Variants in FOXK2 observed in about 807,000 individuals in gnomAD.
The protein encoded by FOXK2 is forkhead box protein K2.
A neutral mutation model predicts 53.3 loss-of-function variants in FOXK2; 24 were observed. The ratio of observed to expected loss-of-function variants is 0.45; its 90% CI spans 0.33 to 0.63. FOXK2 has a LOEUF of 0.63. FOXK2 is among the 30% of genes least tolerant of loss of function. The pLI is 0.03. For missense variants in FOXK2, 952 were observed against 910.5 expected (o/e 1.05, Z -0.59); for synonymous variants, 505 against 407.1 (o/e 1.24, Z -2.89).
chr17:82,581,036 G>A (rs923267545), intron 4 of FOXK2, among the ~76,000 whole-genome samples: 3 of 152,238 alleles, frequency 2.0e-5, no homozygotes, highest in Non-Finnish European at 4.4e-5. Context: ...TTTGTATGTT[G>A]GATTTCTTAG....
Position 82,520,020 on chromosome 17 carries a change from G to A in FOXK2, c.132G>A (p.Glu44=), listed in dbSNP as rs2044343265. ...CCGTGGCGCGCCTGGAGGGCCGCGA[G>A]TTCGAGTATCTGATGAAGAAGCGCT... ...GWAVARLEGR[E]FEYLMKKRSV... is the part of the protein sequence containing the mutation. Residue 44 remains glutamate (E), a synonymous_variant, in exon 1 of 9, where the codon GAG becomes GAA. Coordinates refer to ENST00000335255, the MANE Select transcript of FOXK2 (RefSeq NM_004514.4). 2 of 1,485,358 alleles carry A rather than the reference G, an allele frequency of 1.3e-6. No individual in the cohort carries two copies. Among genetic ancestry groups the A allele is most frequent in the Non-Finnish European group, 9.0e-7 (1 of 1,115,776 alleles). 92.0% of individuals were successfully genotyped at this position (1,485,358 alleles called of 1,614,324 possible). A position where few individuals can be genotyped will look rare whatever the true frequency, so the allele number is the denominator to read the frequency against.
chr17:82,576,979 G>C (rs1457867048), intron 4 of FOXK2: 1 of 389,224 alleles, frequency 2.6e-6, no homozygotes, highest in South Asian at 2.7e-5. Flanking sequence ...GACCAACACG[G>C]AGAAACTACA....
intron 1 of FOXK2, among the ~76,000 whole-genome samples, chr17:82,533,215 C>T (rs188414926): frequency 9.2e-5 from 14 of 152,292 alleles, no homozygotes; most frequent in Non-Finnish European, 1.5e-4. Context: ...TGCTGCCGGG[C>T]GTGGTGGCTC....
chr17:82,603,299 T>C lies in FOXK2; in HGVS notation c.*1800T>C, dbSNP rs1474006134. ...CTTTACAGATACCTTGGAATGTATATTTTTGTCTTCTTACTCAGAAGGTTT... is the reference window on the plus strand; with the variant it reads ...CTTTACAGATACCTTGGAATGTATACTTTTGTCTTCTTACTCAGAAGGTTT... On this transcript the variant is annotated 3_prime_UTR_variant, in exon 9 of 9. Transcript: ENST00000335255. 1 of 152,282 alleles carries C rather than the reference T, an allele frequency of 6.6e-6. No homozygotes were observed. Among genetic ancestry groups the C allele is most frequent in the East Asian group, 1.9e-4 (1 of 5,204 alleles). 9.4% of individuals were successfully genotyped at this position (152,282 alleles called of 1,614,324 possible).
At chr17:82,538,825 C>T (rs2044546199) in intron 1 of FOXK2, among the ~76,000 whole-genome samples, 1 of 152,164 alleles carries the variant, frequency 6.6e-6, no homozygotes, top group Non-Finnish European at 1.5e-5. Flanking sequence ...GGACTTGTAC[C>T]CTACGCCATA....
intron 1 of FOXK2, among the ~76,000 whole-genome samples, chr17:82,545,208 T>A (rs1271849108): frequency 6.6e-6 from 1 of 152,204 alleles, no homozygotes; most frequent in Non-Finnish European, 1.5e-5. Flanking sequence ...CGGTCTGTTC[T>A]AGTGAAGACG....
rs1007446935 is a variant in FOXK2 at position 82,571,855 on chromosome 17, G to A, written c.894G>A (p.Ala298=). 13 of 1,571,704 alleles carry A rather than the reference G, an allele frequency of 8.3e-6. No homozygotes were observed. The highest frequency in any genetic ancestry group is 5.5e-5 in the African/African-American group (4 of 72,084). ...ITKNYPYYRT[A]DKGWQNSIRH... is the part of the protein sequence containing the mutation. ...AAAATTATCCCTACTACAGGACTGC[G>A]GACAAGGGCTGGCAGGTAAATGCCT... The change falls in exon 4 of 9, where the codon GCG becomes GCA. Residue 298 remains alanine (A), a synonymous_variant. Coordinates refer to ENST00000335255, the MANE Select transcript of FOXK2 (RefSeq NM_004514.4).
chr17:82,539,702 C>T (rs150289185), intron 1 of FOXK2, among the ~76,000 whole-genome samples: 104 of 151,380 alleles, frequency 6.9e-4, no homozygotes, highest in African/African-American at 2.1e-3. Context: ...TGGTGGCTCA[C>T]GCCTGTAATC....
chr17:82,535,377 A>G (rs1462555640), intron 1 of FOXK2, among the ~76,000 whole-genome samples: 2 of 152,170 alleles, frequency 1.3e-5, no homozygotes, highest in Admixed American at 6.6e-5. Context: ...TTTGTCTTTC[A>G]TTAAACTCGA....
chr17:82,570,026 T>G (rs1254598676), intron 3 of FOXK2, among the ~76,000 whole-genome samples: 1 of 149,564 alleles, frequency 6.7e-6, no homozygotes. Flanking sequence ...ATCGAGACCA[T>G]CCTGGCTAAC....
intron 2 of FOXK2, 105 bp from the exon 3 acceptor site, chr17:82,567,946 TTTA>T: frequency 1.7e-6 from 1 of 590,074 alleles, no homozygotes; most frequent in Non-Finnish European, 2.5e-6. Context: ...TTTTTTTTTT[TTTA>T]ACATTTCTGT....
chr17:82,586,026 G>C lies in FOXK2; in HGVS notation c.1402G>C (p.Val468Leu), dbSNP rs753468371. 8 of 1,612,684 alleles carry C rather than the reference G, an allele frequency of 5.0e-6. No homozygotes were observed. The highest frequency in any genetic ancestry group is 2.7e-5 in the African/African-American group (2 of 74,930). Reference protein sequence around the residue: ...VTTSTSQPPVVQTVHVVHQIP... With the variant: ...VTTSTSQPPVLQTVHVVHQIP... ...CACCTCGACCTCCCAGCCACCCGTC[G>C]TGCAGACGGTTCACGTCGTCCACCA... The change falls in exon 7 of 9, where the codon GTG becomes CTG. Residue 468 changes from valine to leucine, a missense_variant. This residue lies in a region of FOXK2 where 551 missense variants were observed against 385.1 expected (regional missense o/e 1.43). Transcript: ENST00000335255.
At chr17:82,592,632 C>T (rs1318055743) in intron 8 of FOXK2, among the ~76,000 whole-genome samples, 2 of 152,256 alleles carry the variant, frequency 1.3e-5, no homozygotes, top group Admixed American at 6.5e-5. Flanking sequence ...TTTGCTCCCT[C>T]CTGCCTAACT....
chr17:82,582,386 A>G (rs567696378), intron 4 of FOXK2, among the ~76,000 whole-genome samples: 1 of 152,170 alleles, frequency 6.6e-6, no homozygotes, highest in Non-Finnish European at 1.5e-5. Context: ...TTGGAAGCCC[A>G]TAGCAGCCTT....
In FOXK2 at chr17:82,582,868, C is replaced by G; in HGVS notation, c.1037C>G (p.Ala346Gly). ...TCTGAAAGCAAATTAATAGAACAGG[C>G]TTTTAGGAAACGACGGCCTAGGGGC... Reference protein sequence around the residue: ...PASESKLIEQAFRKRRPRGVP... With the variant: ...PASESKLIEQGFRKRRPRGVP... The change falls in exon 5 of 9, where the codon GCT becomes GGT. Residue 346 changes from alanine (A) to glycine (G), a missense_variant. Ala to Gly is a moderately conservative substitution (Grantham distance 60, BLOSUM62 0). Coordinates refer to ENST00000335255, the MANE Select transcript of FOXK2 (RefSeq NM_004514.4). 6.2e-7 allele frequency: 1 copy of G among 1,613,442 alleles called. No individual in the cohort carries two copies. The highest frequency in any genetic ancestry group is 8.5e-7 in the Non-Finnish European group (1 of 1,179,918).
intron 5 of FOXK2, 56 bp from the exon 6 acceptor site, chr17:82,583,957 G>A: frequency 6.6e-7 from 1 of 1,520,714 alleles, no homozygotes; most frequent in Admixed American, 2.0e-5. Context: ...AAAACAGCAA[G>A]TGCTTTCTGA....
chr17:82,583,747 G>A (rs2045096410), intron 5 of FOXK2, among the ~76,000 whole-genome samples: 3 of 152,236 alleles, frequency 2.0e-5, no homozygotes, highest in Non-Finnish European at 4.4e-5. Context: ...GCTGCTTAGA[G>A]AGGGCAGCTG....
intron 1 of FOXK2, among the ~76,000 whole-genome samples, chr17:82,555,622 C>T (rs539165122): frequency 2.3e-4 from 35 of 151,838 alleles, no homozygotes; most frequent in Non-Finnish European, 2.9e-4. Flanking sequence ...CGGTGGCTCA[C>T]GCCTGTAATC....
intron 2 of FOXK2, among the ~76,000 whole-genome samples, chr17:82,566,277 G>A (rs907080897): frequency 3.3e-5 from 5 of 152,004 alleles, no homozygotes; most frequent in South Asian, 4.2e-4. Context: ...AAAAACATCC[G>A]TTGTGCATGT....
Sources: gnomAD v4.1 joint callset for allele counts (sites outside exome capture counted in the v4.1 genomes callset) on GRCh38, gnomAD v4.1.1 for gene constraint, gnomAD v4.1.1 regional missense constraint, MANE v1.5 for transcripts, NCBI Gene and HGNC (gene_info 2026-07-23, HGNC 2026-07-21) for gene names.